Variants in PDE4A observed in about 807,000 individuals in gnomAD.
PDE4A encodes the protein 3',5'-cyclic-AMP phosphodiesterase 4A.
PDE4A carries 21 observed loss-of-function variants against 73.9 expected under a neutral mutation model. That is an observed-to-expected ratio of 0.28 (90% CI 0.20 to 0.41). The LOEUF is 0.41. Ranked by LOEUF, PDE4A falls within the 10% of genes least tolerant of loss-of-function variation. The pLI, the probability that PDE4A is intolerant of heterozygous loss-of-function variation, is 1.00. For synonymous variants in PDE4A, 463 were observed against 505.4 expected (o/e 0.92, Z 1.13); for missense variants, 958 against 1,211.4 (o/e 0.79, Z 3.10).
chr19:10,437,201 G>A (rs939407124), intron 1 of PDE4A, among the ~76,000 whole-genome samples: 1 of 152,042 alleles, frequency 6.6e-6, no homozygotes, highest in Non-Finnish European at 1.5e-5. Flanking sequence ...TTGGCTCACT[G>A]CAATCTCCAC....
intron 1 of PDE4A, chr19:10,423,100 G>T: frequency 3.0e-6 from 3 of 984,254 alleles, no homozygotes; most frequent in Non-Finnish European, 3.6e-6. Context: ...GGGTATTCCA[G>T]CAGGGTATTC....
At chr19:10,443,077 G>C (rs1007235103) in intron 1 of PDE4A, among the ~76,000 whole-genome samples, 1 of 152,010 alleles carries the variant, frequency 6.6e-6, no homozygotes, top group African/African-American at 2.4e-5. Context: ...CACTCCCGAG[G>C]CTTAGGTGGG....
At position 10,457,755 on chromosome 19, in the gene PDE4A, C is replaced by T. The variant is rs553056808; in HGVS notation, c.878-124C>T. The T allele has an allele frequency of 1.1e-3, 1,698 of 1,486,784 alleles. 1 individual carries two copies. Among genetic ancestry groups the T allele is most frequent in the Non-Finnish European group, 1.3e-3 (1,447 of 1,124,066 alleles). 92.1% of individuals were successfully genotyped at this position (1,486,784 alleles called of 1,614,324 possible). A position where few individuals can be genotyped will look rare whatever the true frequency, so the allele number is the denominator to read the frequency against. On this transcript the variant is annotated intron_variant, in intron 7 of 14. Transcript: ENST00000380702. ...TGACTCTGAGTAGCCAGCGGCATCA[C>T]AGCTGAAAGGGTTCTGCCGTTTCGG...
intron 13 of PDE4A, among the ~76,000 whole-genome samples, chr19:10,462,821 C>G (rs2043296160): frequency 6.6e-6 from 1 of 152,124 alleles, no homozygotes; most frequent in Non-Finnish European, 1.5e-5. Flanking sequence ...ATCTCCCACA[C>G]ACCTCTCCCC....
intron 7 of PDE4A, among the ~76,000 whole-genome samples, chr19:10,457,444 G>T (rs1048487280): frequency 8.2e-6 from 1 of 121,216 alleles, no homozygotes; most frequent in African/African-American, 3.0e-5. Flanking sequence ...GGGGGGGGGG[G>T]GGCAGGGACA....
chr19:10,457,746 G>T, intron 7 of PDE4A, 133 bp from the exon 8 acceptor site: 1 of 1,458,506 alleles, frequency 6.9e-7, no homozygotes, highest in Non-Finnish European at 9.0e-7. Flanking sequence ...TGAGTAGCCA[G>T]CGGCATCACA....
intron 1 of PDE4A, among the ~76,000 whole-genome samples, chr19:10,422,105 A>G (rs2042658618): frequency 6.6e-6 from 1 of 152,022 alleles, no homozygotes; most frequent in South Asian, 2.1e-4. Flanking sequence ...GGATGCAGTG[A>G]TTGGGATAGA....
intron 14 of PDE4A, chr19:10,464,441 G>C (rs550358993): frequency 4.4e-6 from 2 of 455,074 alleles, no homozygotes; most frequent in South Asian, 1.6e-5. Flanking sequence ...TTTTGAGACC[G>C]GGTCTTGCAC....
upstream of PDE4A, chr19:10,417,288 G>C (rs1175215932): frequency 1.0e-6 from 1 of 984,898 alleles, no homozygotes; most frequent in Non-Finnish European, 1.2e-6. Flanking sequence ...CAGATGTGAG[G>C]GATGGGAGGG....
chr19:10,417,669 G>A (rs1286494258), upstream of PDE4A: 3 of 1,594,150 alleles, frequency 1.9e-6, no homozygotes, highest in East Asian at 6.7e-5. Context: ...GAGGTCGAGG[G>A]AGACCCCCGA....
At chr19:10,428,686 C>G (rs1033757697) in intron 1 of PDE4A, 4 of 736,976 alleles carry the variant, frequency 5.4e-6, no homozygotes, top group Non-Finnish European at 6.6e-6. Context: ...ACTGGGGAAA[C>G]TGAGGCTCAA....
At position 10,461,507 on chromosome 19, in the gene PDE4A, C is replaced by T. The variant is rs761503374; in HGVS notation, c.1466-19C>T. ...GCTGCACACGTGGGCCCTCCCCTGACCTCCGGGCTGGGCTGCAGATTCGGA... is the reference window on the plus strand; with the variant it reads ...GCTGCACACGTGGGCCCTCCCCTGATCTCCGGGCTGGGCTGCAGATTCGGA... On this transcript the variant is annotated intron_variant, in intron 11 of 14. Coordinates refer to ENST00000380702, the MANE Select transcript of PDE4A (RefSeq NM_001111307.2). 1.9e-6 allele frequency: 3 copies of T among 1,612,656 alleles called. No homozygotes were observed. Among genetic ancestry groups the T allele is most frequent in the South Asian group, 2.2e-5 (2 of 90,992 alleles).
chr19:10,437,219 GAT>G lies in PDE4A; in HGVS notation c.321-8998_321-8997del, dbSNP rs1228719149. On this transcript the variant is annotated intron_variant, in intron 1 of 14. Transcript: ENST00000380702. ...GCTCACTGCAATCTCCACCTCCCAG[GAT>G]CAAGTGATTCTCCTGCCTCAGCCTC... Among the ~76,000 whole-genome samples the G allele has an allele frequency of 1.1e-3, 171 of 152,038 alleles. 1 individual carries two copies. Among genetic ancestry groups the G allele is most frequent in the African/African-American group, 4.1e-3 (170 of 41,462 alleles).
intron 7 of PDE4A, 36 bp downstream of exon 7, chr19:10,454,958 A>G: frequency 6.2e-7 from 1 of 1,607,390 alleles, no homozygotes; most frequent in Non-Finnish European, 8.5e-7. Context: ...TGGAGGGGGG[A>G]CATTTGGGGT....
chr19:10,432,190 GGAAGTGT>G (rs2042800665), intron 1 of PDE4A, among the ~76,000 whole-genome samples: 1 of 134,782 alleles, frequency 7.4e-6, no homozygotes, highest in African/African-American at 2.8e-5. Context: ...GGGGGGGGGG[GGAAGTGT>G]GCGTCCGACT....
At chr19:10,434,239 C>A (rs569326755) in intron 1 of PDE4A, among the ~76,000 whole-genome samples, 2 of 141,486 alleles carry the variant, frequency 1.4e-5, no homozygotes, top group Non-Finnish European at 1.5e-5. Context: ...GGGTCTCGCT[C>A]TGTCACCCAG....
chr19:10,456,532 A>ATAAAT (rs1555733665), intron 7 of PDE4A, among the ~76,000 whole-genome samples: 1 of 148,954 alleles, frequency 6.7e-6, no homozygotes, highest in African/African-American at 2.5e-5. Flanking sequence ...TCTCAAAAAA[A>ATAAAT]AAATAAATAA....
At chr19:10,456,933 C>T (rs1448962817) in intron 7 of PDE4A, among the ~76,000 whole-genome samples, 1 of 151,770 alleles carries the variant, frequency 6.6e-6, no homozygotes, top group Non-Finnish European at 1.5e-5. Context: ...TGCGGTGGCT[C>T]ACGCCTGTAA....
chr19:10,445,770 CA>C (rs368282378), intron 1 of PDE4A, among the ~76,000 whole-genome samples: 7,974 of 110,582 alleles, frequency 0.072, 691 homozygotes, highest in African/African-American at 0.22. Context: ...GACCATACCT[CA>C]AAAAAAAAAA....
Sources: allele counts gnomAD v4.1 joint callset (sites outside exome capture counted in the v4.1 genomes callset), GRCh38; gene constraint gnomAD v4.1.1; transcripts MANE v1.5; gene names NCBI Gene and HGNC (gene_info 2026-07-23, HGNC 2026-07-21).